The following RYR3 variants were observed in gnomAD, a reference collection of about 807,000 sequenced individuals.
RYR3 encodes the protein brain ryanodine receptor-calcium release channel.
A neutral mutation model predicts 584.3 loss-of-function variants in RYR3; 207 were observed. The observed-to-expected ratio is 0.35, with a 90% CI of 0.32 to 0.40. The LOEUF (loss-of-function observed/expected upper bound fraction) is 0.40, where lower values mean the gene tolerates loss of function less well. Among genes scored for constraint, RYR3 ranks in the 10% least tolerant of loss-of-function variants. The probability of loss-of-function intolerance (pLI) is 1.00; values close to 1 mark genes in which losing one functional copy is unlikely to be tolerated. For synonymous variants in RYR3, 2,416 were observed against 2,248.5 expected (o/e 1.07, Z -2.11); for missense variants, 5,616 against 6,089.2 (o/e 0.92, Z 2.59).
chr15:33,581,319 C>T (rs2058579563), intron 13 of RYR3, among the ~76,000 whole-genome samples, 189 bp from the exon 14 acceptor site: 1 of 152,004 alleles, frequency 6.6e-6, no homozygotes, highest in South Asian at 2.1e-4. Context: ...ATTTAGGTCT[C>T]TCAGGCATAA....
chr15:33,674,834 C>A (rs2064063274), intron 38 of RYR3, among the ~76,000 whole-genome samples: 1 of 141,288 alleles, frequency 7.1e-6, no homozygotes. Context: ...CCATGTGCAG[C>A]AAAGTTCATG....
rs1027842868 is a variant in RYR3, at chr15:33,819,884, A to T, written c.10758+77A>T. On this transcript the variant is annotated intron_variant, in intron 77 of 103. Coordinates refer to ENST00000634891, the MANE Select transcript of RYR3 (RefSeq NM_001036.6). ...TTTCTTTAGGCGCATGAAAATTGTC[A>T]TGTTGAATAGCAGGCCTGGGACTTT... 3.6e-6 allele frequency: 4 copies of T among 1,124,112 alleles called. No homozygotes were observed. The African/African-American group carries it at 6.3e-5, about 18-fold the overall frequency. 69.6% of individuals were successfully genotyped at this position (1,124,112 alleles called of 1,614,324 possible). A position where few individuals can be genotyped will look rare whatever the true frequency, so the allele number is the denominator to read the frequency against.
At chr15:33,571,836 T>C (rs1305051118) in intron 12 of RYR3, among the ~76,000 whole-genome samples, 2 of 152,192 alleles carry the variant, frequency 1.3e-5, no homozygotes, top group Non-Finnish European at 2.9e-5. Context: ...CACTTTGCTA[T>C]TTATTTCTTA....
chr15:33,320,494 T>C (rs916841023), intron 1 of RYR3, among the ~76,000 whole-genome samples: 2 of 152,236 alleles, frequency 1.3e-5, no homozygotes, highest in African/African-American at 4.8e-5. Flanking sequence ...TTAATGTTTG[T>C]TGTTTTTGAC....
At chr15:33,584,873 A>T (rs2058768175) in intron 15 of RYR3, among the ~76,000 whole-genome samples, 1 of 151,642 alleles carries the variant, frequency 6.6e-6, no homozygotes, top group Admixed American at 6.6e-5. Context: ...TGGTGCCCAA[A>T]CTATTTCTTA....
At chr15:33,750,771 G>A (rs991865905) in intron 57 of RYR3, among the ~76,000 whole-genome samples, 3 of 152,114 alleles carry the variant, frequency 2.0e-5, no homozygotes, top group Admixed American at 6.5e-5. Flanking sequence ...TGTGCAGAAC[G>A]TGCAGGTTTG....
At chr15:33,722,430 C>A in intron 43 of RYR3, 1 of 442,764 alleles carries the variant, frequency 2.3e-6, no homozygotes, top group Non-Finnish European at 4.0e-6. Context: ...AGATCCTGAC[C>A]CAATTTATCA....
intron 47 of RYR3, among the ~76,000 whole-genome samples, chr15:33,729,610 G>C (rs1182765619): frequency 6.6e-6 from 1 of 152,072 alleles, no homozygotes; most frequent in East Asian, 1.9e-4. Context: ...TGGAAATCAA[G>C]GGTGAGATAG....
At chr15:33,771,769 G>A (rs2073595077) in intron 62 of RYR3, 151 bp from the exon 63 acceptor site, 2 of 630,062 alleles carry the variant, frequency 3.2e-6, no homozygotes, top group African/African-American at 1.8e-5. Flanking sequence ...TTTCTTCCTG[G>A]ATGTTAACTG....
At chr15:33,437,310 C>CATT (rs2141832753) in intron 1 of RYR3, among the ~76,000 whole-genome samples, 1 of 152,346 alleles carries the variant, frequency 6.6e-6, no homozygotes, top group East Asian at 1.9e-4. Flanking sequence ...GCTCCTTTTA[C>CATT]ATTACATCAT....
At chr15:33,607,586 T>C in intron 18 of RYR3, among the ~76,000 whole-genome samples, 1 of 152,218 alleles carries the variant, frequency 6.6e-6, no homozygotes, top group Non-Finnish European at 1.5e-5. Context: ...TGCTGGTTGT[T>C]CTAAAAGGGT....
At chr15:33,624,982 G>A (rs1339303574) in intron 20 of RYR3, among the ~76,000 whole-genome samples, 1 of 152,062 alleles carries the variant, frequency 6.6e-6, no homozygotes, top group Admixed American at 6.6e-5. Flanking sequence ...ACCTCCTGTG[G>A]CTAATGACTA....
chr15:33,464,670 G>A (rs867263498), intron 1 of RYR3, among the ~76,000 whole-genome samples: 10 of 150,840 alleles, frequency 6.6e-5, no homozygotes, highest in South Asian at 2.1e-4. Context: ...TTTGATATAC[G>A]TTGTGCAGTG....
intron 47 of RYR3, among the ~76,000 whole-genome samples, chr15:33,730,923 G>A (rs1874276): frequency 6.6e-6 from 1 of 152,024 alleles, no homozygotes. Flanking sequence ...TGAATTGCTC[G>A]AAGTGCTCAC....
intron 66 of RYR3, among the ~76,000 whole-genome samples, chr15:33,787,580 ATTGC>A (rs1265174873): frequency 1.3e-5 from 2 of 151,436 alleles, no homozygotes; most frequent in African/African-American, 4.8e-5. Context: ...TCTTTCTCTG[ATTGC>A]TTGTTTCTGC....
At chr15:33,431,935 T>C (rs946176375) in intron 1 of RYR3, among the ~76,000 whole-genome samples, 30 of 152,186 alleles carry the variant, frequency 2.0e-4, no homozygotes, top group African/African-American at 7.2e-4. Flanking sequence ...TTTTGCATCA[T>C]CAAGTAATCT....
Position 33,813,010 on chromosome 15 carries a change from C to G in RYR3, c.10389+16C>G. 6.2e-7 allele frequency: 1 copy of G among 1,613,710 alleles called. No individual in the cohort carries two copies. The highest frequency in any genetic ancestry group is 8.5e-7 in the Non-Finnish European group (1 of 1,179,758). ...CCTGGAACAGGTAAGGAGCATCTGC[C>G]CTGAGGAATGGGGAAGCAGAAACAC... On this transcript the variant is annotated intron_variant, in intron 73 of 103. Transcript: ENST00000634891.
At chr15:33,468,989 C>T (rs988458665) in intron 1 of RYR3, among the ~76,000 whole-genome samples, 6 of 152,140 alleles carry the variant, frequency 3.9e-5, no homozygotes, top group African/African-American at 7.2e-5. Flanking sequence ...AGTGTTGATG[C>T]GAAGCTTAAA....
intron 10 of RYR3, among the ~76,000 whole-genome samples, chr15:33,551,602 T>C (rs2056678656): frequency 6.6e-6 from 1 of 152,186 alleles, no homozygotes; most frequent in Admixed American, 6.5e-5. Flanking sequence ...TTTTCATATC[T>C]TTATTTCAAA....
Sources: allele counts gnomAD v4.1 joint callset (sites outside exome capture counted in the v4.1 genomes callset), GRCh38; gene constraint gnomAD v4.1.1; transcripts MANE v1.5; gene names NCBI Gene and HGNC (gene_info 2026-07-23, HGNC 2026-07-21).